AQP5: variants seen among roughly 807,000 people sequenced by gnomAD.
The protein encoded by AQP5 is aquaporin 5.
AQP5 carries 15 observed loss-of-function variants against 19.1 expected under a neutral mutation model. That is an observed-to-expected ratio of 0.79 (90% CI 0.53 to 1.21). The LOEUF (loss-of-function observed/expected upper bound fraction) is 1.21, where lower values mean the gene tolerates loss of function less well. AQP5 is among the 50% of genes most tolerant of loss of function. The pLI is 0.00. For synonymous variants in AQP5, 182 were observed against 160.3 expected, an observed-to-expected ratio of 1.14 and a Z score of -1.02; for missense variants, 355 against 357.1, an observed-to-expected ratio of 0.99 and a Z score of 0.05.
intron 2 of AQP5, 142 bp downstream of exon 2, chr12:49,963,798 C>CA: frequency 2.5e-6 from 3 of 1,210,310 alleles, no homozygotes; most frequent in Non-Finnish European, 3.4e-6. Flanking sequence ...GACTCTGGCC[C>CA]TACTGGGCCC....
Position 49,965,386 on chromosome 12 carries a change from A to C in AQP5, c.*209A>C. ...CCAGGGGCTGGGGTCTGCTGGGGAC[A>C]GGTCTCTCTGGGACAGACCTCAGAG... is the stretch of plus-strand genomic sequence containing the variant. On this transcript the variant is annotated 3_prime_UTR_variant, in exon 4 of 4. Coordinates refer to ENST00000293599, the MANE Select transcript of AQP5 (RefSeq NM_001651.4). The C allele has an allele frequency of 1.7e-6, 1 of 578,232 alleles. No homozygotes were observed. Among genetic ancestry groups the C allele is most frequent in the Non-Finnish European group, 3.0e-6 (1 of 338,268 alleles). The allele number at this position is 578,232 out of a possible 1,614,324, so 35.8% of individuals were successfully genotyped here.
rs533224983 is a variant in AQP5 at position 49,964,663 on chromosome 12, C to T, written c.613-329C>T. On this transcript the variant is annotated intron_variant, in intron 3 of 3. Coordinates refer to ENST00000293599, the MANE Select transcript of AQP5 (RefSeq NM_001651.4). ...TCCCTGCGTGGAGGGGACACGCGCT[C>T]TGTTCATCCGTCTCTCTGAGGACCC... The T allele has an allele frequency of 2.6e-5, 26 of 985,298 alleles. No individual in the cohort carries two copies. The East Asian group carries it at 1.6e-3, about 60-fold the overall frequency. The allele number at this position is 985,298 out of a possible 1,614,324, so 61.0% of individuals were successfully genotyped here.
chr12:49,965,337 A>G lies in AQP5; in HGVS notation c.*160A>G. On this transcript the variant is annotated 3_prime_UTR_variant, in exon 4 of 4. Coordinates refer to ENST00000293599, the MANE Select transcript of AQP5 (RefSeq NM_001651.4). ...CAGTTAGAGAGGGGAGAAGGAACCC[A>G]TGATGGGACTCCTGGGGTAGGGGCC... 3 of 849,060 alleles carry G rather than the reference A, an allele frequency of 3.5e-6. No individual in the cohort carries two copies. The highest frequency in any genetic ancestry group is 3.5e-6 in the Non-Finnish European group (2 of 575,068). The allele number at this position is 849,060 out of a possible 1,614,324, so 52.6% of individuals were successfully genotyped here.
intron 1 of AQP5, chr12:49,962,586 C>G (rs1417514919): frequency 1.4e-6 from 1 of 714,754 alleles, no homozygotes; most frequent in East Asian, 3.0e-5. Flanking sequence ...CCCCTCCCCT[C>G]ATGCTGGCCC....
At position 49,965,379 on chromosome 12, in the gene AQP5, T is replaced by C. The variant is rs1947479130; in HGVS notation, c.*202T>C. The C allele has an allele frequency of 1.7e-6, 1 of 596,166 alleles. No homozygotes were observed. The allele number at this position is 596,166 out of a possible 1,614,324, so 36.9% of individuals were successfully genotyped here. Reference sequence around the variant, plus strand: ...GTAGGGGCCAGGGGCTGGGGTCTGCTGGGGACAGGTCTCTCTGGGACAGAC... The same window carrying C: ...GTAGGGGCCAGGGGCTGGGGTCTGCCGGGGACAGGTCTCTCTGGGACAGAC... On this transcript the variant is annotated 3_prime_UTR_variant, in exon 4 of 4. Coordinates refer to ENST00000293599, the MANE Select transcript of AQP5 (RefSeq NM_001651.4).
chr12:49,964,885 T>A (rs749781237), intron 3 of AQP5, 107 bp from the exon 4 acceptor site: 56 of 1,499,050 alleles, frequency 3.7e-5, no homozygotes, highest in Non-Finnish European at 4.9e-5. Flanking sequence ...GAAGTCTGCA[T>A]GTCTGTCTCC....
chr12:49,962,071 C>G lies in AQP5; in HGVS notation c.54C>G (p.Phe18Leu), dbSNP rs540509756. The G allele has an allele frequency of 1.9e-6, 3 of 1,611,868 alleles. No individual in the cohort carries two copies. Among genetic ancestry groups the G allele is most frequent in the African/African-American group, 2.7e-5 (2 of 75,004 alleles). The change falls in exon 1 of 4, where the codon TTC becomes TTG. Residue 18 changes from phenylalanine to leucine, a missense_variant. Coordinates refer to ENST00000293599, the MANE Select transcript of AQP5 (RefSeq NM_001651.4). Reference sequence around the variant, plus strand: ...TCCTCAAGGCCGTGTTCGCAGAGTTCTTGGCCACCCTCATCTTCGTCTTCT... The same window carrying G: ...TCCTCAAGGCCGTGTTCGCAGAGTTGTTGGCCACCCTCATCTTCGTCTTCT... ...VAFLKAVFAE[F>L]LATLIFVFFG...
In AQP5 at chr12:49,962,086, C is replaced by T. The variant is rs761134661; in HGVS notation, c.69C>T (p.Ile23=). 1.9e-6 allele frequency: 3 copies of T among 1,613,080 alleles called. No individual in the cohort carries two copies. The highest frequency in any genetic ancestry group is 3.3e-5 in the Admixed American group (2 of 59,986). ...AVFAEFLATL[I]FVFFGLGSAL... Reference sequence around the variant, plus strand: ...TCGCAGAGTTCTTGGCCACCCTCATCTTCGTCTTCTTTGGCCTGGGCTCGG... The same window carrying T: ...TCGCAGAGTTCTTGGCCACCCTCATTTTCGTCTTCTTTGGCCTGGGCTCGG... Residue 23 remains isoleucine, a synonymous_variant, in exon 1 of 4, where the codon ATC becomes ATT. Transcript: ENST00000293599.
At chr12:49,964,959 T>C in intron 3 of AQP5, 33 bp from the exon 4 acceptor site, 1 of 1,595,600 alleles carries the variant, frequency 6.3e-7, no homozygotes, top group Non-Finnish European at 8.5e-7. Context: ...GGTCTGGGGC[T>C]CAGCGCCCTG....
Position 49,964,978 on chromosome 12 carries a change from C to T in AQP5, c.613-14C>T, listed in dbSNP as rs369207871. On this transcript the variant is annotated splice_polypyrimidine_tract_variant and intron_variant, in intron 3 of 3. Transcript: ENST00000293599. Reference sequence around the variant, plus strand: ...TGGGGCTCAGCGCCCTGACTCCTGCCCTGTCTCCACCAGGTTTTCTGGGTA... The same window carrying T: ...TGGGGCTCAGCGCCCTGACTCCTGCTCTGTCTCCACCAGGTTTTCTGGGTA... The T allele has an allele frequency of 7.6e-5, 123 of 1,609,106 alleles. No individual in the cohort carries two copies. Among genetic ancestry groups the T allele is most frequent in the Non-Finnish European group, 1.0e-4 (121 of 1,177,674 alleles).
chr12:49,964,072 A>T lies in AQP5; in HGVS notation c.529-20A>T. 1 of 1,602,026 alleles carries T rather than the reference A, an allele frequency of 6.2e-7. No homozygotes were observed. The highest frequency in any genetic ancestry group is 8.6e-7 in the Non-Finnish European group (1 of 1,168,988). Reference sequence around the variant, plus strand: ...GGACCAGGATGTTGCCTTTCTCTCCACCGCCCTGTCTCTATCCAGATCTAC... The same window carrying T: ...GGACCAGGATGTTGCCTTTCTCTCCTCCGCCCTGTCTCTATCCAGATCTAC... On this transcript the variant is annotated intron_variant, in intron 2 of 3. Coordinates refer to ENST00000293599, the MANE Select transcript of AQP5 (RefSeq NM_001651.4).
chr12:49,962,502 A>AGGCAAGAGCCTCCCAAGGCCAGGAG (rs1947439996), intron 1 of AQP5, 122 bp downstream of exon 1: 1 of 1,426,738 alleles, frequency 7.0e-7, no homozygotes, highest in Non-Finnish European at 9.1e-7. Flanking sequence ...TTCACCAGGA[A>AGGCAAGAGCCTCCCAAGGCCAGGAG]GGCAAGAGCC....
At chr12:49,963,737 C>T in intron 2 of AQP5, 81 bp downstream of exon 2, 1 of 1,515,228 alleles carries the variant, frequency 6.6e-7, no homozygotes. Flanking sequence ...GCGGAGCCCA[C>T]TTCAGATGGA....
At position 49,962,398 on chromosome 12, in the gene AQP5, G is replaced by C. The variant is rs760293817; in HGVS notation, c.363+18G>C. 3 of 1,463,688 alleles carry C rather than the reference G, an allele frequency of 2.0e-6. No homozygotes were observed. Among genetic ancestry groups the C allele is most frequent in the Non-Finnish European group, 1.8e-6 (2 of 1,094,638 alleles). The allele number at this position is 1,463,688 out of a possible 1,614,324, so 90.7% of individuals were successfully genotyped here. On this transcript the variant is annotated intron_variant, in intron 1 of 3. Coordinates refer to ENST00000293599, the MANE Select transcript of AQP5 (RefSeq NM_001651.4). ...TCAACGCGGTGAGTGCCCTGGGGGG[G>C]GGGTGGGAGCCTCGACCCTGGGGTG...
chr12:49,965,458 A>C lies in AQP5; in HGVS notation c.*281A>C, dbSNP rs538536845. ...TCACAGGCTGCAAGGGCCAGGCCAG[A>C]AAAGGGCGGGCCTGCAGCCTGCACC... On this transcript the variant is annotated 3_prime_UTR_variant, in exon 4 of 4. Transcript: ENST00000293599. 2 of 312,684 alleles carry C rather than the reference A, an allele frequency of 6.4e-6. No homozygotes were observed. Among genetic ancestry groups the C allele is most frequent in the South Asian group, 7.9e-5 (1 of 12,600 alleles). 19.4% of individuals were successfully genotyped at this position (312,684 alleles called of 1,614,324 possible).
At chr12:49,962,522 C>T (rs1361746325) in intron 1 of AQP5, 142 bp downstream of exon 1, 2 of 1,312,670 alleles carry the variant, frequency 1.5e-6, no homozygotes, top group Non-Finnish European at 2.0e-6. Context: ...CTCCCAAGGC[C>T]AGGAAGGCAA....
intron 3 of AQP5, 42 bp from the exon 4 acceptor site, chr12:49,964,950 G>A (rs761084135): frequency 3.1e-6 from 5 of 1,587,460 alleles, no homozygotes; most frequent in Non-Finnish European, 8.6e-7. Flanking sequence ...GGTCTTCAAG[G>A]TCTGGGGCTC....
chr12:49,964,896 T>C, intron 3 of AQP5, 96 bp from the exon 4 acceptor site: 1 of 1,507,670 alleles, frequency 6.6e-7, no homozygotes, highest in Non-Finnish European at 8.8e-7. Context: ...GTCTGTCTCC[T>C]CTCAGGGTCC....
At position 49,965,255 on chromosome 12, in the gene AQP5, CT is replaced by C; in HGVS notation, c.*83del. 2 of 1,431,612 alleles carry C rather than the reference CT, an allele frequency of 1.4e-6. No individual in the cohort carries two copies. The highest frequency in any genetic ancestry group is 1.8e-6 in the Non-Finnish European group (2 of 1,088,628). The allele number at this position is 1,431,612 out of a possible 1,614,324, so 88.7% of individuals were successfully genotyped here. On this transcript the variant is annotated 3_prime_UTR_variant, in exon 4 of 4. Transcript: ENST00000293599. Reference sequence around the variant, plus strand: ...AGAAAAAGTACCTAACACAAGCTTCCTTTTTGCACAACCGGTCCTCTTGGCT... The same window carrying C: ...AGAAAAAGTACCTAACACAAGCTTCCTTTTGCACAACCGGTCCTCTTGGCT...
Sources: allele counts gnomAD v4.1 joint callset, GRCh38; gene constraint gnomAD v4.1.1; transcripts MANE v1.5; gene names NCBI Gene and HGNC (gene_info 2026-07-23, HGNC 2026-07-21).